The following USH2A variants were observed in gnomAD, a reference collection of about 807,000 sequenced individuals.
The protein encoded by USH2A is Usher syndrome 2A (autosomal recessive, mild).
Under a neutral mutation model 538.9 loss-of-function variants are expected in USH2A, and 443 were observed. The ratio of observed to expected loss-of-function variants is 0.82; its 90% confidence interval spans 0.76 to 0.89. USH2A has a LOEUF of 0.89. Among genes scored for constraint, USH2A ranks in the 40% least tolerant of loss-of-function variants. USH2A has a pLI of 0.00. For missense variants in USH2A, 6,633 were observed against 6,324.8 expected (o/e 1.05, Z -1.65); for synonymous variants, 2,413 against 2,273.5 (o/e 1.06, Z -1.75).
At chr1:216,414,989 T>C (rs2039551977) in intron 3 of USH2A, among the ~76,000 whole-genome samples, 1 of 152,126 alleles carries the variant, frequency 6.6e-6, no homozygotes, top group South Asian at 2.1e-4. Context: ...GTTCTTGCAG[T>C]TATACAATGG....
At chr1:215,802,106 A>G (rs1214278856) in intron 49 of USH2A, among the ~76,000 whole-genome samples, 2 of 151,968 alleles carry the variant, frequency 1.3e-5, no homozygotes, top group African/African-American at 2.4e-5. Flanking sequence ...TTTATACCAT[A>G]TACCAAAACT....
At chr1:216,309,045 T>A (rs1279966628) in intron 9 of USH2A, among the ~76,000 whole-genome samples, 3 of 152,140 alleles carry the variant, frequency 2.0e-5, no homozygotes, top group African/African-American at 7.2e-5. Flanking sequence ...TCTACAGTTT[T>A]AAAAAAATAG....
chr1:216,312,823 G>GTTGTTTGTTTGTTTCTTTGT (rs1558033248), intron 9 of USH2A, among the ~76,000 whole-genome samples: 1 of 152,044 alleles, frequency 6.6e-6, no homozygotes, highest in African/African-American at 2.4e-5. Context: ...AAACTGTGAG[G>GTTGTTTGTTTGTTTCTTTGT]TTGTTTGTTT....
intron 41 of USH2A, among the ~76,000 whole-genome samples, chr1:215,887,137 G>A (rs1431021212): frequency 2.6e-5 from 4 of 152,312 alleles, no homozygotes; most frequent in South Asian, 2.1e-4. Context: ...GATTACAGGC[G>A]TGAGCCACCG....
chr1:215,726,881 G>T (rs1296332404), intron 61 of USH2A, among the ~76,000 whole-genome samples: 1 of 152,198 alleles, frequency 6.6e-6, no homozygotes, highest in Admixed American at 6.5e-5. Context: ...CTAAGTCTCA[G>T]TGTAGTGGAC....
intron 21 of USH2A, among the ~76,000 whole-genome samples, chr1:216,114,424 T>C (rs907321678): frequency 1.3e-5 from 2 of 152,120 alleles, no homozygotes; most frequent in African/African-American, 4.8e-5. Flanking sequence ...TGTCCCTAAC[T>C]AGTAAAAATT....
intron 50 of USH2A, among the ~76,000 whole-genome samples, chr1:215,794,000 GA>G (rs1178409821): frequency 6.6e-6 from 1 of 151,930 alleles, no homozygotes; most frequent in Non-Finnish European, 1.5e-5. Flanking sequence ...CAAACACTAA[GA>G]AAAAAATGAG....
intron 61 of USH2A, among the ~76,000 whole-genome samples, chr1:215,700,086 T>C (rs532768801): frequency 1.3e-5 from 2 of 152,312 alleles, no homozygotes; most frequent in Admixed American, 6.5e-5. Context: ...TGTCATTGTT[T>C]CTGTTTTTGT....
intron 44 of USH2A, among the ~76,000 whole-genome samples, chr1:215,850,956 A>C (rs547977724): frequency 6.6e-6 from 1 of 152,370 alleles, no homozygotes; most frequent in South Asian, 2.1e-4. Flanking sequence ...TTGGGTCAAC[A>C]ATGAAATCAA....
chr1:215,760,943 T>G (rs1660963865), intron 56 of USH2A, among the ~76,000 whole-genome samples: 2 of 152,354 alleles, frequency 1.3e-5, no homozygotes, highest in East Asian at 3.9e-4. Flanking sequence ...GTCATCTTTA[T>G]GAACCATATA....
In USH2A at chr1:215,825,667, C is replaced by T. The variant is rs1028234066; in HGVS notation, c.9372-8472G>A. Among the ~76,000 whole-genome samples, 11 of 151,928 alleles carry T rather than the reference C, an allele frequency of 7.2e-5. No individual in the cohort carries two copies. In the East Asian group the frequency reaches 1.5e-3, roughly 21 times the overall value. On this transcript the variant is annotated intron_variant, in intron 47 of 71. Transcript: ENST00000307340. The stretch of plus-strand genomic sequence containing the variant: ...TGTTTACACAGGCTTTTTTTCTAAT[C>T]GATTTGGTCATTTTTGTCAATCATT...
intron 68 of USH2A, among the ~76,000 whole-genome samples, chr1:215,640,198 G>C (rs1477879535): frequency 6.6e-6 from 1 of 152,128 alleles, no homozygotes; most frequent in African/African-American, 2.4e-5. Flanking sequence ...GATACAGCAA[G>C]AAAATCTATG....
At chr1:215,717,450 A>G (rs1012929357) in intron 61 of USH2A, among the ~76,000 whole-genome samples, 1 of 152,188 alleles carries the variant, frequency 6.6e-6, no homozygotes, top group African/African-American at 2.4e-5. Context: ...ATTCAGGAGT[A>G]TGGGCTAGAG....
At chr1:215,684,535 C>G (rs1204004896) in intron 61 of USH2A, among the ~76,000 whole-genome samples, 1 of 152,140 alleles carries the variant, frequency 6.6e-6, no homozygotes, top group Non-Finnish European at 1.5e-5. Context: ...TCCCTCTGGT[C>G]TTTGGGGTGT....
At chr1:216,283,409 A>T (rs570622829) in intron 11 of USH2A, among the ~76,000 whole-genome samples, 1 of 152,152 alleles carries the variant, frequency 6.6e-6, no homozygotes, top group African/African-American at 2.4e-5. Flanking sequence ...TAGTTTTAAT[A>T]CTTTTGAATT....
chr1:215,775,225 G>A (rs1371799971), intron 55 of USH2A, among the ~76,000 whole-genome samples: 2 of 152,076 alleles, frequency 1.3e-5, no homozygotes, highest in South Asian at 2.1e-4. Flanking sequence ...ATCAAACACG[G>A]TACCATGCTT....
At chr1:216,009,495 C>T (rs990521217) in intron 32 of USH2A, among the ~76,000 whole-genome samples, 9 of 152,210 alleles carry the variant, frequency 5.9e-5, no homozygotes, top group East Asian at 1.9e-4. Flanking sequence ...GTCTGAGGTG[C>T]CTGACGTCTA....
At chr1:216,168,004 T>C (rs1474878471) in intron 21 of USH2A, among the ~76,000 whole-genome samples, 1 of 152,166 alleles carries the variant, frequency 6.6e-6, no homozygotes, top group African/African-American at 2.4e-5. Context: ...ACTTAATCTA[T>C]ACACTTCAAG....
chr1:216,109,342 T>C (rs958016991), intron 21 of USH2A, among the ~76,000 whole-genome samples: 3 of 151,978 alleles, frequency 2.0e-5, no homozygotes, highest in African/African-American at 7.3e-5. Context: ...CCTTAAAAAT[T>C]CTCCCCATCT....
Sources: allele counts gnomAD v4.1 joint callset (sites outside exome capture counted in the v4.1 genomes callset), GRCh38; gene constraint gnomAD v4.1.1; transcripts MANE v1.5; gene names NCBI Gene and HGNC (gene_info 2026-07-23, HGNC 2026-07-21).